RCHY1: variants seen among roughly 807,000 people sequenced by gnomAD.
RCHY1 encodes the protein ring finger and CHY zinc finger domain containing 1.
In RCHY1, 21 loss-of-function variants were observed where a neutral mutation model predicts 41.6. The ratio of observed to expected loss-of-function variants is 0.51; its 90% confidence interval spans 0.36 to 0.73. The LOEUF is 0.73. Ranked by LOEUF, RCHY1 falls within the 30% of genes least tolerant of loss-of-function variation. RCHY1 has a pLI of 0.00. For synonymous variants in RCHY1, 79 were observed against 102.9 expected, an observed-to-expected ratio of 0.77 and a Z score of 1.41; for missense variants, 265 against 325.3, an observed-to-expected ratio of 0.81 and a Z score of 1.43.
At chr4:75,508,963 C>A in intron 2 of RCHY1, 28 bp from the exon 3 acceptor site, 1 of 1,455,868 alleles carries the variant, frequency 6.9e-7, no homozygotes, top group Non-Finnish European at 9.5e-7. Flanking sequence ...TTAAAAACTG[C>A]AATAAACTAA....
At position 75,514,267 on chromosome 4, in the gene RCHY1, T is replaced by C; in HGVS notation, c.20A>G (p.Glu7Gly). The stretch of plus-strand genomic sequence containing the variant: ...TCGCTCTTGACCGCTGGCGCCATCT[T>C]CCCGGGCCGTCGCCGCCATCTCCTC... MAATAR[E>G]DGASGQERGQ... Residue 7 changes from glutamate to glycine, a missense_variant, in exon 1 of 9, where the codon GAA (glutamate) becomes GGA (glycine). By Grantham distance (98) the Glu-to-Gly change is moderately conservative. Coordinates refer to ENST00000324439, the MANE Select transcript of RCHY1 (RefSeq NM_015436.4). The C allele has an allele frequency of 1.2e-6, 2 of 1,612,540 alleles. No homozygotes were observed. The highest frequency in any genetic ancestry group is 1.7e-5 in the Admixed American group (1 of 59,994).
At chr4:75,491,837 A>G in intron 5 of RCHY1, 52 bp downstream of exon 5, 1 of 1,601,736 alleles carries the variant, frequency 6.2e-7, no homozygotes, top group Non-Finnish European at 8.5e-7. Flanking sequence ...ACATCCAAGT[A>G]TTTTAAATTC....
intron 1 of RCHY1, among the ~76,000 whole-genome samples, chr4:75,511,702 A>T (rs1724895457): frequency 6.6e-6 from 1 of 152,222 alleles, no homozygotes; most frequent in Non-Finnish European, 1.5e-5. Context: ...CTGGCTTTTT[A>T]AAAAAACTAT....
At chr4:75,488,733 A>G (rs1312063125) in intron 8 of RCHY1, among the ~76,000 whole-genome samples, 1 of 152,186 alleles carries the variant, frequency 6.6e-6, no homozygotes, top group African/African-American at 2.4e-5. Context: ...GAGAACCTGG[A>G]CAGCCACCTG....
intron 3 of RCHY1, among the ~76,000 whole-genome samples, chr4:75,497,578 ATTAAACTCTGTTAAGTTTAAT>A (rs1393288164): frequency 0.011 from 1,735 of 152,116 alleles, 20 homozygotes; most frequent in African/African-American, 0.03. Context: ...TCTTTGCTCA[ATTAAACTCTGTTAAGTTTAAT>A]TTAAACTCTG....
At chr4:75,514,053 CAAG>C in intron 1 of RCHY1, 141 bp downstream of exon 1, 2 of 1,329,806 alleles carry the variant, frequency 1.5e-6, no homozygotes, top group East Asian at 2.5e-5. Flanking sequence ...ACGTTCTCCT[CAAG>C]AAGAACCCAG....
upstream of RCHY1, chr4:75,514,413 G>T: frequency 9.2e-7 from 1 of 1,090,644 alleles, no homozygotes; most frequent in Non-Finnish European, 1.3e-6. Context: ...TGGCTCCTAA[G>T]CACGTGACCC....
chr4:75,514,383 A>G lies in RCHY1; in HGVS notation c.-97T>C, dbSNP rs527245634. The G allele has an allele frequency of 2.2e-6, 3 of 1,336,036 alleles. No homozygotes were observed. The highest frequency in any genetic ancestry group is 5.1e-5 in the East Asian group (2 of 39,390). The allele number at this position is 1,336,036 out of a possible 1,614,324, so 82.8% of individuals were successfully genotyped here. A position where few individuals can be genotyped will look rare whatever the true frequency, so the allele number is the denominator to read the frequency against. ...TCTCTAGCACACCCCTCCCAGCCCC[A>G]GCGGCCACTAGCGACAATATGGCTC... On this transcript the variant is annotated 5_prime_UTR_variant, in exon 1 of 9. Transcript: ENST00000324439.
In RCHY1 at chr4:75,514,377, AG is replaced by A; in HGVS notation, c.-92del. 7.1e-7 allele frequency: 1 copy of A among 1,406,272 alleles called. No individual in the cohort carries two copies. Among genetic ancestry groups the A allele is most frequent in the Non-Finnish European group, 9.6e-7 (1 of 1,043,730 alleles). The allele number at this position is 1,406,272 out of a possible 1,614,324, so 87.1% of individuals were successfully genotyped here. A position where few individuals can be genotyped will look rare whatever the true frequency, so the allele number is the denominator to read the frequency against. The stretch of plus-strand genomic sequence containing the variant: ...TGCGCCTCTCTAGCACACCCCTCCC[AG>A]CCCCAGCGGCCACTAGCGACAATAT... On this transcript the variant is annotated 5_prime_UTR_variant, in exon 1 of 9. Transcript: ENST00000324439.
intron 3 of RCHY1, among the ~76,000 whole-genome samples, chr4:75,496,013 T>C (rs973432975): frequency 6.6e-6 from 1 of 152,144 alleles, no homozygotes; most frequent in African/African-American, 2.4e-5. Flanking sequence ...CCACTCTTCG[T>C]TGTCCTTCCT....
At chr4:75,511,053 C>T (rs1188569786) in intron 1 of RCHY1, among the ~76,000 whole-genome samples, 2 of 152,108 alleles carry the variant, frequency 1.3e-5, no homozygotes, top group African/African-American at 2.4e-5. Context: ...AATCTGAAAT[C>T]GTATCAAGGA....
chr4:75,514,491 T>C, upstream of RCHY1: 1 of 544,338 alleles, frequency 1.8e-6, no homozygotes, highest in South Asian at 2.7e-5. Flanking sequence ...TCTCCGTCGT[T>C]GACGTTAGTC....
At chr4:75,485,905 G>C (rs574126037) in intron 8 of RCHY1, among the ~76,000 whole-genome samples, 2 of 152,278 alleles carry the variant, frequency 1.3e-5, no homozygotes, top group East Asian at 3.9e-4. Context: ...AATGGCTTCA[G>C]AGGTGTCTGT....
intron 8 of RCHY1, among the ~76,000 whole-genome samples, chr4:75,484,165 A>G (rs1185657289): frequency 1.3e-5 from 2 of 152,322 alleles, no homozygotes; most frequent in African/African-American, 2.4e-5. Context: ...TGGGATTTGA[A>G]GTACAGCTTT....
chr4:75,492,085 A>C, intron 4 of RCHY1, 152 bp from the exon 5 acceptor site: 1 of 546,964 alleles, frequency 1.8e-6, no homozygotes, highest in Non-Finnish European at 3.1e-6. Context: ...GAGTTTTTTA[A>C]TAGTTATTTA....
chr4:75,510,004 T>G (rs1247356873), intron 1 of RCHY1, among the ~76,000 whole-genome samples: 1 of 152,214 alleles, frequency 6.6e-6, no homozygotes, highest in African/African-American at 2.4e-5. Context: ...TCCAGATAAA[T>G]TCATTTACAT....
At chr4:75,490,490 T>C (rs1722646900) in intron 8 of RCHY1, 91 bp downstream of exon 8, 11 of 937,008 alleles carry the variant, frequency 1.2e-5, no homozygotes, top group Admixed American at 2.4e-5. Flanking sequence ...CCAGTATATA[T>C]ATATTTTTTT....
intron 8 of RCHY1, among the ~76,000 whole-genome samples, chr4:75,485,032 A>G (rs1721867328): frequency 6.6e-6 from 1 of 152,230 alleles, no homozygotes; most frequent in African/African-American, 2.4e-5. Flanking sequence ...GATAAGACAA[A>G]TTAAATCTAC....
In RCHY1 at chr4:75,494,842, T is replaced by C. The variant is rs375307890; in HGVS notation, c.327-663A>G. Among the ~76,000 whole-genome samples, 7 of 151,980 alleles carry C rather than the reference T, an allele frequency of 4.6e-5. No homozygotes were observed. In the East Asian group the frequency reaches 1.4e-3, roughly 29 times the overall value. On this transcript the variant is annotated intron_variant, in intron 3 of 8. Transcript: ENST00000324439. Reference sequence around the variant, plus strand: ...TGAGAGTAACCATGTTCCCCACACTTTGGGTAACATGGTTACTTGTATTAT... The same window carrying C: ...TGAGAGTAACCATGTTCCCCACACTCTGGGTAACATGGTTACTTGTATTAT...
Sources: allele counts gnomAD v4.1 joint callset (sites outside exome capture counted in the v4.1 genomes callset), GRCh38; gene constraint gnomAD v4.1.1; transcripts MANE v1.5; gene names NCBI Gene and HGNC (gene_info 2026-07-23, HGNC 2026-07-21).